Variants in SGCZ observed in about 807,000 individuals in gnomAD.
SGCZ encodes sarcoglycan zeta.
Under a neutral mutation model 41.3 loss-of-function variants are expected in SGCZ, and 40 were observed. That is an observed-to-expected ratio of 0.97 (90% CI 0.75 to 1.26). SGCZ has a LOEUF of 1.26. SGCZ is among the 50% of genes most tolerant of loss of function. The pLI, the probability that SGCZ is intolerant of heterozygous loss-of-function variation, is 0.00. For synonymous variants in SGCZ, 206 were observed against 137.5 expected (o/e 1.50, Z -3.49); for missense variants, 552 against 369.8 (o/e 1.49, Z -4.04).
chr8:15,079,337 CA>C (rs749462890), intron 1 of SGCZ, among the ~76,000 whole-genome samples: 4 of 152,300 alleles, frequency 2.6e-5, no homozygotes, highest in Middle Eastern at 3.4e-3. Context: ...TTATATCTGA[CA>C]GTCATTTTGG....
At chr8:14,322,613 G>A (rs1563256609) in intron 3 of SGCZ, among the ~76,000 whole-genome samples, 1 of 152,020 alleles carries the variant, frequency 6.6e-6, no homozygotes, top group East Asian at 1.9e-4. Flanking sequence ...TTAAAATTTT[G>A]TTCCCACGTA....
intron 3 of SGCZ, among the ~76,000 whole-genome samples, chr8:14,306,822 T>C (rs1035212941): frequency 2.6e-5 from 4 of 152,198 alleles, no homozygotes; most frequent in African/African-American, 9.6e-5. Context: ...ATAAAAAGAA[T>C]GGATGCAAAA....
intron 1 of SGCZ, among the ~76,000 whole-genome samples, chr8:14,728,247 C>G (rs532278060): frequency 2.0e-5 from 3 of 150,018 alleles, no homozygotes; most frequent in South Asian, 2.1e-4. Context: ...AATAAATTAA[C>G]AGGACTTAAT....
chr8:15,074,224 TCTA>T (rs899826347), intron 1 of SGCZ, among the ~76,000 whole-genome samples: 2 of 152,074 alleles, frequency 1.3e-5, no homozygotes, highest in African/African-American at 4.8e-5. Flanking sequence ...AGCCTAAACT[TCTA>T]CTAACTTAAG....
intron 1 of SGCZ, among the ~76,000 whole-genome samples, chr8:15,064,818 A>G (rs1455141741): frequency 6.6e-6 from 1 of 152,080 alleles, no homozygotes; most frequent in Non-Finnish European, 1.5e-5. Flanking sequence ...CCTTGGCAAT[A>G]CTCATAGTCT....
At position 15,237,650 on chromosome 8, in the gene SGCZ, G is replaced by A. The variant is rs199877288; in HGVS notation, c.-27C>T. 83 of 1,573,962 alleles carry A rather than the reference G, an allele frequency of 5.3e-5. No homozygotes were observed. In the Admixed American group the frequency reaches 1.4e-3, roughly 27 times the overall value. ...GAGCGCAACTAAACGAAGTGGAGAG[G>A]AACCGGGCGAGTGGCACCCAAAAAC... On this transcript the variant is annotated 5_prime_UTR_variant, in exon 1 of 8. Transcript: ENST00000382080.
At chr8:15,184,151 T>G (rs1800261893) in intron 1 of SGCZ, among the ~76,000 whole-genome samples, 1 of 152,256 alleles carries the variant, frequency 6.6e-6, no homozygotes, top group African/African-American at 2.4e-5. Context: ...TAATTCTCCT[T>G]AATATGCTTG....
chr8:14,784,676 T>A (rs1800697659), intron 1 of SGCZ, among the ~76,000 whole-genome samples: 1 of 151,396 alleles, frequency 6.6e-6, no homozygotes, highest in Non-Finnish European at 1.5e-5. Flanking sequence ...AGGCAGATCA[T>A]CTGAGGTCAG....
intron 1 of SGCZ, among the ~76,000 whole-genome samples, chr8:14,662,737 G>A (rs561447047): frequency 1.3e-5 from 2 of 152,238 alleles, no homozygotes; most frequent in South Asian, 4.2e-4. Flanking sequence ...TTAAGATGGG[G>A]AGATTATCCT....
At chr8:14,876,647 C>CT (rs1238709898) in intron 1 of SGCZ, among the ~76,000 whole-genome samples, 1 of 152,038 alleles carries the variant, frequency 6.6e-6, no homozygotes, top group African/African-American at 2.4e-5. Context: ...CTTAAAGTAA[C>CT]TTTTTTAAAT....
intron 1 of SGCZ, among the ~76,000 whole-genome samples, chr8:14,622,226 A>G (rs1806309885): frequency 6.6e-6 from 1 of 152,200 alleles, no homozygotes; most frequent in South Asian, 2.1e-4. Context: ...TGACAGCCAA[A>G]TAAACAGAAT....
chr8:14,479,760 T>TTTTTA (rs1801479928), intron 2 of SGCZ, among the ~76,000 whole-genome samples: 1 of 83,962 alleles, frequency 1.2e-5, no homozygotes, highest in Non-Finnish European at 3.0e-5. Flanking sequence ...TTTTTTTTTT[T>TTTTTA]TATTTGAGAT....
intron 1 of SGCZ, among the ~76,000 whole-genome samples, chr8:15,216,251 G>T (rs111756891): frequency 3.5e-5 from 4 of 112,714 alleles, no homozygotes; most frequent in African/African-American, 1.4e-4. Context: ...AGACGGTGTT[G>T]CTCTGTCATC....
Position 14,090,353 on chromosome 8 carries a change from C to A in SGCZ, c.*90G>T. 7.1e-7 allele frequency: 1 copy of A among 1,418,268 alleles called. No homozygotes were observed. Among genetic ancestry groups the A allele is most frequent in the Non-Finnish European group, 9.6e-7 (1 of 1,046,070 alleles). The allele number at this position is 1,418,268 out of a possible 1,614,324, so 87.9% of individuals were successfully genotyped here. A position where few individuals can be genotyped will look rare whatever the true frequency, so the allele number is the denominator to read the frequency against. ...GCTCTGTGGACCATTCGAAGAAGCTCTGGACTGATCACAAGGGAAACCGAG... is the reference window on the plus strand; with the variant it reads ...GCTCTGTGGACCATTCGAAGAAGCTATGGACTGATCACAAGGGAAACCGAG... On this transcript the variant is annotated 3_prime_UTR_variant, in exon 8 of 8. Transcript: ENST00000382080.
chr8:15,097,835 CGTGTGTGTATATATATATAT>C (rs1806419008), intron 1 of SGCZ, among the ~76,000 whole-genome samples: 2 of 102,692 alleles, frequency 1.9e-5, no homozygotes, highest in Admixed American at 9.3e-5. Context: ...TATATATATA[CGTGTGTGTATATATATATAT>C]ACGTGTGTGT....
chr8:14,439,207 T>C (rs1270632230), intron 2 of SGCZ, among the ~76,000 whole-genome samples: 3 of 151,810 alleles, frequency 2.0e-5, no homozygotes, highest in Admixed American at 1.3e-4. Flanking sequence ...TGACTTAGGA[T>C]TTTTTGTAAG....
chr8:14,655,765 C>T (rs1048976407), intron 1 of SGCZ, among the ~76,000 whole-genome samples: 2 of 152,070 alleles, frequency 1.3e-5, no homozygotes, highest in Non-Finnish European at 2.9e-5. Context: ...ATAGCCTCAT[C>T]CAATCCCTTC....
At chr8:14,885,653 C>T (rs1285259001) in intron 1 of SGCZ, among the ~76,000 whole-genome samples, 1 of 151,938 alleles carries the variant, frequency 6.6e-6, no homozygotes, top group Non-Finnish European at 1.5e-5. Context: ...TCTTTATATT[C>T]CCCACAGTGC....
In SGCZ at chr8:14,347,940, A is replaced by C. The variant is rs560509763; in HGVS notation, c.235-23736T>G. 1.8e-4 allele frequency among the ~76,000 whole-genome samples: 27 copies of C among 152,294 alleles called. 1 individual carries two copies. Among genetic ancestry groups the C allele is most frequent in the Non-Finnish European group, 3.1e-4 (21 of 68,014 alleles). On this transcript the variant is annotated intron_variant, in intron 2 of 7. Coordinates refer to ENST00000382080, the MANE Select transcript of SGCZ (RefSeq NM_139167.4). ...TTCTCTAAACTGAGAATATAGCATT[A>C]AAATGTACTTTGCAACTCCCTCTTT...
Sources: gnomAD v4.1 joint callset for allele counts (sites outside exome capture counted in the v4.1 genomes callset) on GRCh38, gnomAD v4.1.1 for gene constraint, MANE v1.5 for transcripts, NCBI Gene and HGNC (gene_info 2026-07-23, HGNC 2026-07-21) for gene names.